The following SUCLG2 variants were observed in gnomAD, a reference collection of about 807,000 sequenced individuals.
SUCLG2 encodes the protein succinate-CoA ligase GDP-forming subunit beta.
Under a neutral mutation model 47.9 loss-of-function variants are expected in SUCLG2, and 42 were observed. The ratio of observed to expected loss-of-function variants is 0.88; its 90% CI spans 0.69 to 1.14. SUCLG2 has a LOEUF of 1.14. Among genes scored for constraint, SUCLG2 ranks in the 50% most tolerant of loss-of-function variants. The pLI is 0.00. For synonymous variants in SUCLG2, 195 were observed against 197.3 expected (o/e 0.99, Z 0.10); for missense variants, 571 against 525.9 (o/e 1.09, Z -0.84).
chr3:67,435,563 T>A (rs1233631760), intron 9 of SUCLG2, among the ~76,000 whole-genome samples: 1 of 152,202 alleles, frequency 6.6e-6, no homozygotes, highest in African/African-American at 2.4e-5. Context: ...GTGGGGAGAA[T>A]GTACATGCAT....
At chr3:67,612,928 T>C (rs1700557173) in intron 1 of SUCLG2, among the ~76,000 whole-genome samples, 1 of 152,166 alleles carries the variant, frequency 6.6e-6, no homozygotes, top group African/African-American at 2.4e-5. Flanking sequence ...ACTGCTGACA[T>C]TTACCAGTTA....
intron 9 of SUCLG2, among the ~76,000 whole-genome samples, chr3:67,486,710 T>C (rs1318309888): frequency 6.6e-6 from 1 of 152,136 alleles, no homozygotes; most frequent in Non-Finnish European, 1.5e-5. Flanking sequence ...CATTCAATAC[T>C]ATGCTTGGGG....
intron 2 of SUCLG2, among the ~76,000 whole-genome samples, chr3:67,535,995 T>G (rs1193166980): frequency 6.6e-6 from 1 of 152,164 alleles, no homozygotes; most frequent in East Asian, 1.9e-4. Context: ...GGGTTGAAAA[T>G]GAACAGCTCT....
chr3:67,652,852 C>T (rs1281204242), intron 1 of SUCLG2, among the ~76,000 whole-genome samples: 1 of 152,176 alleles, frequency 6.6e-6, no homozygotes, highest in South Asian at 2.1e-4. Flanking sequence ...TAAATGATTG[C>T]TAATGTCCAT....
At chr3:67,502,528 T>G (rs1240380354) in intron 7 of SUCLG2, among the ~76,000 whole-genome samples, 2 of 152,210 alleles carry the variant, frequency 1.3e-5, no homozygotes, top group African/African-American at 2.4e-5. Context: ...TAGGTGTTGG[T>G]GGCAGGAGAG....
chr3:67,431,823 C>T (rs1231801550), intron 9 of SUCLG2, among the ~76,000 whole-genome samples: 1 of 152,108 alleles, frequency 6.6e-6, no homozygotes, highest in Non-Finnish European at 1.5e-5. Context: ...GCCAACATGG[C>T]ACATGTATAC....
intron 4 of SUCLG2, among the ~76,000 whole-genome samples, chr3:67,525,473 A>G (rs993012836): frequency 6.6e-6 from 1 of 151,900 alleles, no homozygotes; most frequent in Admixed American, 6.5e-5. Flanking sequence ...AGACCCAAAG[A>G]AATATGCCCA....
chr3:67,465,650 C>A (rs1336689524), intron 9 of SUCLG2, among the ~76,000 whole-genome samples: 1 of 152,224 alleles, frequency 6.6e-6, no homozygotes, highest in South Asian at 2.1e-4. Flanking sequence ...TTCCCTCTCT[C>A]CTTCACTCAG....
Position 67,520,538 on chromosome 3 carries a change from G to C in SUCLG2, c.514C>G (p.Gln172Glu). The C allele has an allele frequency of 6.2e-7, 1 of 1,614,162 alleles. No homozygotes were observed. Among genetic ancestry groups the C allele is most frequent in the South Asian group, 1.1e-5 (1 of 91,088 alleles). Reference sequence around the variant, plus strand: ...ACCTCTTCAATGTCGACGCCCCCCTGGGGGCTGCCCACCAGCACGGGGCCA... The same window carrying C: ...ACCTCTTCAATGTCGACGCCCCCCTCGGGGCTGCCCACCAGCACGGGGCCA... The part of the protein sequence containing the change: ...CNGPVLVGSP[Q>E]GGVDIEEVAA... The change falls in exon 5 of 11, where the codon CAG becomes GAG. Residue 172 changes from glutamine (Q) to glutamate (E), a missense_variant. Coordinates refer to ENST00000307227, the MANE Select transcript of SUCLG2 (RefSeq NM_003848.4).
chr3:67,378,853 A>T (rs1552631), intron 10 of SUCLG2, among the ~76,000 whole-genome samples: 2 of 152,050 alleles, frequency 1.3e-5, no homozygotes, highest in Non-Finnish European at 2.9e-5. Flanking sequence ...TAATCAAAGC[A>T]TGGCTTTCAT....
At chr3:67,480,871 A>G (rs1479080740) in intron 9 of SUCLG2, among the ~76,000 whole-genome samples, 4 of 152,230 alleles carry the variant, frequency 2.6e-5, no homozygotes, top group Admixed American at 6.5e-5. Flanking sequence ...CACATTTTAC[A>G]GCATCACCAA....
chr3:67,599,346 G>C (rs1708363638), intron 2 of SUCLG2, among the ~76,000 whole-genome samples: 1 of 152,186 alleles, frequency 6.6e-6, no homozygotes. Context: ...CAGGCATAAA[G>C]AGAGGACAAT....
Position 67,609,407 on chromosome 3 carries a change from A to C in SUCLG2, c.226+48T>G, listed in dbSNP as rs532507129. The C allele has an allele frequency of 7.0e-6, 11 of 1,582,670 alleles. No homozygotes were observed. The South Asian group carries it at 1.3e-4, about 18-fold the overall frequency. ...ACTAGTGGGAAGCCACTACCTGTGAATTCACTGATTTGGGCAAGTGTATTT... is the reference window on the plus strand; with the variant it reads ...ACTAGTGGGAAGCCACTACCTGTGACTTCACTGATTTGGGCAAGTGTATTT... On this transcript the variant is annotated intron_variant, in intron 2 of 10. Transcript: ENST00000307227.
chr3:67,424,236 G>C (rs1341555380), intron 9 of SUCLG2, among the ~76,000 whole-genome samples: 1 of 152,154 alleles, frequency 6.6e-6, no homozygotes, highest in Non-Finnish European at 1.5e-5. Context: ...ACAATGGTGA[G>C]GGGACTCAGC....
At chr3:67,599,345 A>C (rs2076913) in intron 2 of SUCLG2, among the ~76,000 whole-genome samples, 14,713 of 152,220 alleles carry the variant, frequency 0.097, 1,346 homozygotes, top group African/African-American at 0.24. Context: ...ACAGGCATAA[A>C]GAGAGGACAA....
chr3:67,485,951 G>C (rs888341782), intron 9 of SUCLG2, among the ~76,000 whole-genome samples: 1 of 152,204 alleles, frequency 6.6e-6, no homozygotes, highest in African/African-American at 2.4e-5. Context: ...TTTACATTTA[G>C]ACTGGGGGTT....
chr3:67,560,599 C>T (rs186680393), intron 2 of SUCLG2, among the ~76,000 whole-genome samples: 164 of 152,154 alleles, frequency 1.1e-3, no homozygotes, highest in Admixed American at 3.4e-3. Flanking sequence ...TACACAAAGC[C>T]GGTGAGGTAC....
intron 10 of SUCLG2, among the ~76,000 whole-genome samples, chr3:67,362,324 G>A (rs1235442558): frequency 6.6e-6 from 1 of 152,024 alleles, no homozygotes; most frequent in African/African-American, 2.4e-5. Flanking sequence ...CCCTTACGTT[G>A]GCCAGCTCCT....
At chr3:67,402,503 A>G (rs1702708474) in intron 9 of SUCLG2, among the ~76,000 whole-genome samples, 1 of 152,262 alleles carries the variant, frequency 6.6e-6, no homozygotes, top group African/African-American at 2.4e-5. Flanking sequence ...CAGTAGGACA[A>G]CTGGTAAGCA....
Sources: allele counts gnomAD v4.1 joint callset (sites outside exome capture counted in the v4.1 genomes callset), GRCh38; gene constraint gnomAD v4.1.1; transcripts MANE v1.5; gene names NCBI Gene and HGNC (gene_info 2026-07-23, HGNC 2026-07-21).